DPP10: variants seen among roughly 807,000 people sequenced by gnomAD.
The protein encoded by DPP10 is dipeptidyl peptidase like 10.
DPP10 carries 33 observed loss-of-function variants against 120.9 expected under a neutral mutation model. That is an observed-to-expected ratio of 0.27 (90% CI 0.21 to 0.37). The LOEUF is 0.37. DPP10 is among the 10% of genes least tolerant of loss of function. The probability of loss-of-function intolerance (pLI) is 1.00; values close to 1 mark genes in which losing one functional copy is unlikely to be tolerated. For missense variants in DPP10, 816 were observed against 942.8 expected (o/e 0.87, Z 1.76); for synonymous variants, 337 against 326.1 (o/e 1.03, Z -0.36).
rs981195391 is a variant in DPP10, at chr2:115,420,542, T to C, written c.271+76630T>C. 2.6e-5 allele frequency among the ~76,000 whole-genome samples: 4 copies of C among 152,210 alleles called. No individual in the cohort carries two copies. The South Asian group carries it at 6.2e-4, about 24-fold the overall frequency. ...TGAAATATTATTCTCTCATTTGGCA[T>C]AAGACATCATGTTGCTCGGGCACAA... is the stretch of plus-strand genomic sequence containing the variant. On this transcript the variant is annotated intron_variant, in intron 3 of 25. Coordinates refer to ENST00000410059, the MANE Select transcript of DPP10 (RefSeq NM_020868.6).
chr2:115,457,671 G>A (rs1424782892), intron 3 of DPP10, among the ~76,000 whole-genome samples: 1 of 34,268 alleles, frequency 2.9e-5, no homozygotes, highest in Non-Finnish European at 2.9e-4. Flanking sequence ...TAATCAAAAC[G>A]GCAACATTGG....
intron 1 of DPP10, among the ~76,000 whole-genome samples, chr2:114,523,161 T>C (rs1448100036): frequency 6.6e-6 from 1 of 152,208 alleles, no homozygotes; most frequent in Non-Finnish European, 1.5e-5. Context: ...TGGTCTCAGC[T>C]TGAGTCCAGC....
chr2:115,689,148 C>T (rs926830908), intron 5 of DPP10, among the ~76,000 whole-genome samples: 10 of 152,152 alleles, frequency 6.6e-5, no homozygotes, highest in African/African-American at 1.2e-4. Flanking sequence ...GGAAACTGTG[C>T]GAGATGGATT....
chr2:115,639,162 G>C (rs1164054793), intron 5 of DPP10, among the ~76,000 whole-genome samples: 2 of 152,200 alleles, frequency 1.3e-5, no homozygotes, highest in Non-Finnish European at 2.9e-5. Flanking sequence ...ACTGAGTCTT[G>C]CTGGGTACCC....
chr2:115,740,571 CAT>C (rs1677130015), intron 9 of DPP10, among the ~76,000 whole-genome samples: 1 of 152,042 alleles, frequency 6.6e-6, no homozygotes, highest in Non-Finnish European at 1.5e-5. Flanking sequence ...GGTATGGAGT[CAT>C]AGCCATGGTT....
At chr2:115,036,108 C>T (rs1038449727) in intron 1 of DPP10, among the ~76,000 whole-genome samples, 2 of 152,174 alleles carry the variant, frequency 1.3e-5, no homozygotes, top group African/African-American at 4.8e-5. Context: ...AGGAGACTTA[C>T]AATCATGGCA....
chr2:115,246,898 TTCTGCTC>T (rs2058561188), intron 1 of DPP10, among the ~76,000 whole-genome samples: 1 of 152,026 alleles, frequency 6.6e-6, no homozygotes, highest in African/African-American at 2.4e-5. Flanking sequence ...ACCAGATAGG[TTCTGCTC>T]AGTGAGTGAG....
chr2:114,845,539 A>G (rs1456983018), intron 1 of DPP10, among the ~76,000 whole-genome samples: 1 of 152,142 alleles, frequency 6.6e-6, no homozygotes, highest in Non-Finnish European at 1.5e-5. Context: ...AGACAGGGCC[A>G]CCACATACAG....
chr2:115,424,610 A>G (rs960328757), intron 3 of DPP10, among the ~76,000 whole-genome samples: 1 of 151,930 alleles, frequency 6.6e-6, no homozygotes, highest in African/African-American at 2.4e-5. Flanking sequence ...TCAGTTTTAT[A>G]TTTCTTTTGT....
intron 5 of DPP10, among the ~76,000 whole-genome samples, chr2:115,641,015 G>A (rs1020659360): frequency 5.3e-5 from 8 of 152,034 alleles, no homozygotes; most frequent in African/African-American, 1.9e-4. Context: ...AAATAGCTTT[G>A]AAAATAGAAT....
chr2:115,447,838 A>T (rs190119662), intron 3 of DPP10, among the ~76,000 whole-genome samples: 1 of 152,214 alleles, frequency 6.6e-6, no homozygotes, highest in African/African-American at 2.4e-5. Flanking sequence ...ATGGGCTATT[A>T]TAGTCAGTGA....
At chr2:115,736,412 T>C (rs953703694) in intron 8 of DPP10, among the ~76,000 whole-genome samples, 1 of 152,156 alleles carries the variant, frequency 6.6e-6, no homozygotes, top group African/African-American at 2.4e-5. Flanking sequence ...GTGGGGAACA[T>C]GATAAAATTA....
intron 2 of DPP10, among the ~76,000 whole-genome samples, chr2:115,333,237 G>A (rs2062871232): frequency 6.6e-6 from 1 of 152,090 alleles, no homozygotes; most frequent in South Asian, 2.1e-4. Flanking sequence ...CAGACACTAG[G>A]ATTACAACCC....
intron 1 of DPP10, among the ~76,000 whole-genome samples, chr2:114,643,883 G>A (rs528521692): frequency 1.3e-5 from 2 of 148,600 alleles, no homozygotes; most frequent in Admixed American, 1.3e-4. Context: ...GTGTGTGTAT[G>A]TGTGTGTGTG....
intron 1 of DPP10, among the ~76,000 whole-genome samples, chr2:115,002,546 G>T (rs10205839): frequency 0.017 from 2,569 of 152,128 alleles, 64 homozygotes; most frequent in African/African-American, 0.06. Flanking sequence ...AAGAGCTACT[G>T]CTCGGCAAAA....
intron 1 of DPP10, among the ~76,000 whole-genome samples, chr2:114,644,894 G>C (rs1346541533): frequency 1.3e-5 from 2 of 151,814 alleles, no homozygotes; most frequent in Non-Finnish European, 2.9e-5. Flanking sequence ...GACCATTTTA[G>C]TTGCTATTTC....
chr2:114,770,151 AGG>A (rs1681121502), intron 1 of DPP10, among the ~76,000 whole-genome samples: 2 of 152,130 alleles, frequency 1.3e-5, no homozygotes, highest in African/African-American at 4.8e-5. Flanking sequence ...ATACCCATGC[AGG>A]GTTTCTTCCC....
In DPP10 at chr2:115,766,310, G is replaced by GTA. The variant is rs1221483510; in HGVS notation, c.1114-1973_1114-1972dup. Among the ~76,000 whole-genome samples, 382 of 81,728 alleles carry GTA rather than the reference G, an allele frequency of 4.7e-3. 11 individuals carry two copies. The highest frequency in any genetic ancestry group is 0.016 in the African/African-American group (367 of 23,070). The allele number at this position is 81,728 out of a possible 152,430, so 53.6% of individuals were successfully genotyped here. On this transcript the variant is annotated intron_variant, in intron 12 of 25. Coordinates refer to ENST00000410059, the MANE Select transcript of DPP10 (RefSeq NM_020868.6). ...TATGTGTGTGTGTGTGTGTGTGTGT[G>GTA]TATATATATATATATGTATATATAT...
chr2:115,625,683 G>A (rs1418273853), intron 5 of DPP10, among the ~76,000 whole-genome samples: 2 of 152,050 alleles, frequency 1.3e-5, no homozygotes, highest in East Asian at 3.9e-4. Flanking sequence ...GTTTAGGCAT[G>A]TAACATGAAG....
Sources: gnomAD v4.1 joint callset for allele counts (sites outside exome capture counted in the v4.1 genomes callset) on GRCh38, gnomAD v4.1.1 for gene constraint, MANE v1.5 for transcripts, NCBI Gene and HGNC (gene_info 2026-07-23, HGNC 2026-07-21) for gene names.